PM20D1: variants seen among roughly 807,000 people sequenced by gnomAD.
PM20D1 encodes peptidase M20 domain containing 1, also known as N-fatty-acyl-amino acid synthase/hydrolase PM20D1.
A neutral mutation model predicts 53.8 loss-of-function variants in PM20D1; 53 were observed. The ratio of observed to expected loss-of-function variants is 0.98; its 90% confidence interval spans 0.79 to 1.24. The LOEUF (loss-of-function observed/expected upper bound fraction) is 1.24, where lower values mean the gene tolerates loss of function less well. PM20D1 is among the 50% of genes most tolerant of loss of function. The pLI is 0.00. For missense variants in PM20D1, 564 were observed against 616.8 expected (o/e 0.91, Z 0.91); for synonymous variants, 239 against 241.3 (o/e 0.99, Z 0.09).
chr1:205,844,518 T>C (rs1248173086), intron 4 of PM20D1, among the ~76,000 whole-genome samples: 1 of 152,202 alleles, frequency 6.6e-6, no homozygotes, highest in Non-Finnish European at 1.5e-5. Flanking sequence ...CTCTCCCTTT[T>C]CAGTTCTTTT....
chr1:205,844,933 C>G, intron 3 of PM20D1, 36 bp from the exon 4 acceptor site: 3 of 1,578,316 alleles, frequency 1.9e-6, no homozygotes, highest in Non-Finnish European at 2.6e-6. Flanking sequence ...AGGAAAAAGA[C>G]GTTATTTAGG....
At chr1:205,845,236 A>T in intron 3 of PM20D1, 89 bp downstream of exon 3, 1 of 1,314,798 alleles carries the variant, frequency 7.6e-7, no homozygotes, top group Non-Finnish European at 1.1e-6. Context: ...TCTTTTTACC[A>T]TTATCTCCCA....
In PM20D1 at chr1:205,832,581, G is replaced by T; in HGVS notation, c.1285+17C>A. 1 of 1,613,782 alleles carries T rather than the reference G, an allele frequency of 6.2e-7. No individual in the cohort carries two copies. ...CAGCCCCCTCCTCCCTCCAGCCACA[G>T]CTGATGAAGTCATTACCTGGGGCAG... is the stretch of plus-strand genomic sequence containing the variant. On this transcript the variant is annotated intron_variant, in intron 11 of 12. Transcript: ENST00000367136.
In PM20D1 at chr1:205,843,714, A is replaced by G; in HGVS notation, c.780T>C (p.Ala260=). 2 of 1,614,086 alleles carry G rather than the reference A, an allele frequency of 1.2e-6. No homozygotes were observed. Among genetic ancestry groups the G allele is most frequent in the South Asian group, 1.1e-5 (1 of 91,076 alleles). The change falls in exon 6 of 13, where the codon GCT becomes GCC. Residue 260 remains alanine (A), a synonymous_variant. Coordinates refer to ENST00000367136, the MANE Select transcript of PM20D1 (RefSeq NM_152491.5). ...TGCCAATGCTTGTCTCCTTTGGAGG[A>G]GCTGAAGAGTGGCCTGAAGTCATGT... ...QVNMTSGHSS[A]PPKETSIGIL... is the part of the protein sequence containing the mutation.
intron 11 of PM20D1, 53 bp downstream of exon 11, chr1:205,832,544 AG>A: frequency 6.3e-7 from 1 of 1,589,224 alleles, no homozygotes; most frequent in African/African-American, 1.3e-5. Context: ...GACATTGGAT[AG>A]GAAACAGTTC....
intron 5 of PM20D1, 109 bp downstream of exon 5, chr1:205,843,978 G>A: frequency 2.7e-6 from 4 of 1,489,060 alleles, no homozygotes; most frequent in Non-Finnish European, 3.6e-6. Flanking sequence ...ATTAATGCGA[G>A]AGGTGTACAC....
At position 205,849,916 on chromosome 1, in the gene PM20D1, CTT is replaced by C. The variant is rs1229088911; in HGVS notation, c.155_156del (p.Lys52ArgfsTer15). 4 of 1,612,690 alleles carry C rather than the reference CTT, an allele frequency of 2.5e-6. No individual in the cohort carries two copies. The highest frequency in any genetic ancestry group is 2.5e-6 in the Non-Finnish European group (3 of 1,178,974). On this transcript the variant is annotated frameshift_variant, in exon 1 of 13. Transcript: ENST00000367136. LOFTEE classifies it high-confidence loss of function. ...GACCCGGGTTCACCTTTCAGCGCCT[CTT>C]TCATCGCGACGCGTTCCTCTTTGCT... The part of the protein sequence containing the change: ...QFSKEERVAM[K>X]EALKGAIQIP...
At position 205,841,880 on chromosome 1, in the gene PM20D1, C is replaced by G. The variant is rs769157876; in HGVS notation, c.975G>C (p.Glu325Asp). The G allele has an allele frequency of 4.5e-6, 7 of 1,560,420 alleles. No individual in the cohort carries two copies. The highest frequency in any genetic ancestry group is 1.7e-4 in the Middle Eastern group (1 of 5,980). Residue 325 changes from glutamate to aspartate, a missense_variant, in exon 9 of 13, where the codon GAG becomes GAC. Transcript: ENST00000367136. ...LFEPLISRFM[E>D]RNPLTNAIIR... Reference sequence around the variant, plus strand: ...TTATTGCATTGGTTAAGGGATTTCTCTCCATAAACCTAAAACAAAAGGACC... The same window carrying G: ...TTATTGCATTGGTTAAGGGATTTCTGTCCATAAACCTAAAACAAAAGGACC...
chr1:205,829,932 C>G (rs1357342809), intron 12 of PM20D1: 1 of 200,632 alleles, frequency 5.0e-6, no homozygotes, highest in Non-Finnish European at 1.0e-5. Context: ...AGGAGTCTCC[C>G]CATTTTGTAA....
intron 8 of PM20D1, 63 bp downstream of exon 8, chr1:205,842,090 AG>A (rs1274562932): frequency 2.3e-5 from 34 of 1,477,498 alleles, no homozygotes; most frequent in Non-Finnish European, 3.1e-5. Flanking sequence ...AGCCAAGGAG[AG>A]GGGCCTGGGG....
rs984338501 is a variant in PM20D1 at position 205,828,361 on chromosome 1, A to G, written c.*259T>C. The G allele has an allele frequency of 7.3e-6, 3 of 409,848 alleles. No individual in the cohort carries two copies. The highest frequency in any genetic ancestry group is 3.8e-5 in the Admixed American group (1 of 26,362). The allele number at this position is 409,848 out of a possible 1,614,324, so 25.4% of individuals were successfully genotyped here. On this transcript the variant is annotated 3_prime_UTR_variant, in exon 13 of 13. Coordinates refer to ENST00000367136, the MANE Select transcript of PM20D1 (RefSeq NM_152491.5). ...AAGGTGAAGCAGTGAAATAACCAGCATAAGACAGATAAGGGACAAGAGGGC... is the reference window on the plus strand; with the variant it reads ...AAGGTGAAGCAGTGAAATAACCAGCGTAAGACAGATAAGGGACAAGAGGGC...
intron 4 of PM20D1, among the ~76,000 whole-genome samples, chr1:205,844,610 T>C (rs1656900577): frequency 6.6e-6 from 1 of 152,204 alleles, no homozygotes; most frequent in Non-Finnish European, 1.5e-5. Context: ...TGTTAAAAAT[T>C]CAGATCTAGG....
chr1:205,830,055 C>T (rs1656523858), intron 12 of PM20D1: 2 of 450,158 alleles, frequency 4.4e-6, no homozygotes, highest in Non-Finnish European at 8.0e-6. Flanking sequence ...CAATTATCTC[C>T]ATCTTTGTAA....
intron 10 of PM20D1, among the ~76,000 whole-genome samples, chr1:205,837,936 AG>A (rs1656717939): frequency 6.6e-6 from 1 of 152,098 alleles, no homozygotes; most frequent in Non-Finnish European, 1.5e-5. Context: ...GAGAGGACAA[AG>A]GTTGGCACCT....
In PM20D1 at chr1:205,828,225, T is replaced by C. The variant is rs1416311918; in HGVS notation, c.*395A>G. On this transcript the variant is annotated 3_prime_UTR_variant, in exon 13 of 13. Transcript: ENST00000367136. The stretch of plus-strand genomic sequence containing the variant: ...GGAAGAAAGTTCTAGTAAGAAGAAA[T>C]ATATAAGCTCTGGAGAAAGCATCCC... The C allele has an allele frequency of 6.2e-6, 1 of 162,304 alleles. No individual in the cohort carries two copies. The highest frequency in any genetic ancestry group is 1.3e-5 in the Non-Finnish European group (1 of 74,824). The allele number at this position is 162,304 out of a possible 1,614,324, so 10.1% of individuals were successfully genotyped here. A position where few individuals can be genotyped will look rare whatever the true frequency, so the allele number is the denominator to read the frequency against.
At chr1:205,846,754 G>C (rs1656995843) in intron 2 of PM20D1, among the ~76,000 whole-genome samples, 1 of 152,072 alleles carries the variant, frequency 6.6e-6, no homozygotes, top group Admixed American at 6.5e-5. Flanking sequence ...AGCTACATAG[G>C]AGAAATAAAT....
intron 1 of PM20D1, 46 bp from the exon 2 acceptor site, chr1:205,848,017 T>C: frequency 6.3e-7 from 1 of 1,577,134 alleles, no homozygotes; most frequent in Non-Finnish European, 8.7e-7. Context: ...GAATTAGTCA[T>C]TGTTTTTTTC....
chr1:205,838,935 C>T (rs1420170217), intron 10 of PM20D1, among the ~76,000 whole-genome samples: 5 of 152,208 alleles, frequency 3.3e-5, no homozygotes, highest in Non-Finnish European at 7.3e-5. Flanking sequence ...ACGAGCATGG[C>T]CTCAGTCCAG....
intron 7 of PM20D1, 124 bp downstream of exon 7, chr1:205,842,552 G>C (rs931516496): frequency 2.1e-6 from 2 of 958,344 alleles, no homozygotes; most frequent in Non-Finnish European, 3.2e-6. Flanking sequence ...GCCACTGGCT[G>C]GGAATAGGTG....
Sources: gnomAD v4.1 joint callset for allele counts (sites outside exome capture counted in the v4.1 genomes callset) on GRCh38, gnomAD v4.1.1 for gene constraint, MANE v1.5 for transcripts, NCBI Gene and HGNC (gene_info 2026-07-23, HGNC 2026-07-21) for gene names.